Variants in DAAM2 observed in about 807,000 individuals in gnomAD.
The protein encoded by DAAM2 is disheveled-associated activator of morphogenesis 2.
Under a neutral mutation model 120.7 loss-of-function variants are expected in DAAM2, and 39 were observed. The observed-to-expected ratio is 0.32, with a 90% CI of 0.25 to 0.42. The LOEUF (loss-of-function observed/expected upper bound fraction) is 0.42, where lower values mean the gene tolerates loss of function less well. Among genes scored for constraint, DAAM2 ranks in the 10% least tolerant of loss-of-function variants. DAAM2 has a pLI of 1.00. For missense variants in DAAM2, 1,283 were observed against 1,401.7 expected (o/e 0.92, Z 1.35); for synonymous variants, 488 against 524.9 (o/e 0.93, Z 0.96).
rs550332714 is a variant in DAAM2, at chr6:39,904,018, T to C, written c.*1981T>C. 2 of 363,292 alleles carry C rather than the reference T, an allele frequency of 5.5e-6. No homozygotes were observed. The highest frequency in any genetic ancestry group is 4.3e-5 in the African/African-American group (2 of 46,946). The allele number at this position is 363,292 out of a possible 1,614,324, so 22.5% of individuals were successfully genotyped here. ...AAGATGGGAGGTTGTGGGTGAGGCC[T>C]CTAAAGGTCCTCTCCCAAACTGACC... On this transcript the variant is annotated 3_prime_UTR_variant, in exon 25 of 25. Transcript: ENST00000274867.
intron 1 of DAAM2, among the ~76,000 whole-genome samples, chr6:39,826,836 G>A (rs2114165877): frequency 6.6e-6 from 1 of 152,272 alleles, no homozygotes; most frequent in Non-Finnish European, 1.5e-5. Context: ...ACTGTCAGGA[G>A]CACCTTCTCT....
chr6:39,828,413 C>T (rs1762754843), intron 1 of DAAM2, among the ~76,000 whole-genome samples: 1 of 152,114 alleles, frequency 6.6e-6, no homozygotes, highest in African/African-American at 2.4e-5. Context: ...TTAATAAGGA[C>T]CTACTATGCA....
intron 1 of DAAM2, among the ~76,000 whole-genome samples, chr6:39,826,103 T>G (rs1762663341): frequency 6.6e-6 from 1 of 152,174 alleles, no homozygotes; most frequent in African/African-American, 2.4e-5. Context: ...TTCTGCCTGC[T>G]GGCTTGGGAT....
intron 3 of DAAM2, chr6:39,862,685 A>C (rs1458456945): frequency 6.6e-6 from 1 of 152,004 alleles, no homozygotes; most frequent in Non-Finnish European, 1.5e-5. Context: ...CATGCCTGTA[A>C]TCCCAGCTAC....
intron 2 of DAAM2, among the ~76,000 whole-genome samples, chr6:39,858,171 G>A (rs1764080715): frequency 6.6e-6 from 1 of 152,204 alleles, no homozygotes; most frequent in Non-Finnish European, 1.5e-5. Flanking sequence ...ATGAAGACCA[G>A]AAGAACTAAA....
intron 17 of DAAM2, among the ~76,000 whole-genome samples, 186 bp from the exon 18 acceptor site, chr6:39,891,155 G>A (rs1157846623): frequency 6.7e-6 from 1 of 150,246 alleles, no homozygotes; most frequent in African/African-American, 2.5e-5. Flanking sequence ...AAAGAAAAAA[G>A]AATTTCAGAG....
At chr6:39,825,726 T>A (rs1187753519) in intron 1 of DAAM2, among the ~76,000 whole-genome samples, 2 of 151,928 alleles carry the variant, frequency 1.3e-5, no homozygotes, top group Non-Finnish European at 2.9e-5. Context: ...ATATCTGTAC[T>A]GAGTGTACTG....
chr6:39,852,355 A>G (rs1223460076), intron 1 of DAAM2, among the ~76,000 whole-genome samples: 1 of 152,318 alleles, frequency 6.6e-6, no homozygotes, highest in Admixed American at 6.5e-5. Context: ...GTCCAGGGCC[A>G]GTGATGAAGA....
chr6:39,863,026 C>G (rs1286135742), intron 3 of DAAM2, among the ~76,000 whole-genome samples: 1 of 151,924 alleles, frequency 6.6e-6, no homozygotes, highest in African/African-American at 2.4e-5. Flanking sequence ...CCCCTACAAG[C>G]CTTCTGTGTT....
chr6:39,852,261 C>T (rs1763835645), intron 1 of DAAM2, among the ~76,000 whole-genome samples: 1 of 152,202 alleles, frequency 6.6e-6, no homozygotes, highest in Admixed American at 6.5e-5. Flanking sequence ...CAATTCTCCT[C>T]CGAGGTGGAA....
intron 1 of DAAM2, among the ~76,000 whole-genome samples, chr6:39,817,990 C>T (rs1310737196): frequency 2.0e-5 from 3 of 151,874 alleles, no homozygotes; most frequent in Non-Finnish European, 4.4e-5. Context: ...ACGAGTCTGG[C>T]CAGCATGGTG....
chr6:39,879,174 A>T lies in DAAM2; in HGVS notation c.1546-4A>T, dbSNP rs751683917. The T allele has an allele frequency of 6.5e-7, 1 of 1,537,520 alleles. No individual in the cohort carries two copies. Among genetic ancestry groups the T allele is most frequent in the South Asian group, 1.2e-5 (1 of 81,824 alleles). On this transcript the variant is annotated splice_polypyrimidine_tract_variant and splice_region_variant and intron_variant, in intron 13 of 24. Coordinates refer to ENST00000274867, the MANE Select transcript of DAAM2 (RefSeq NM_001201427.2). ...GTCCTTGCAATTTTTCTGTTTCCTC[A>T]CAGACAGGCCCTGTATCTTCCCCAC...
At position 39,904,062 on chromosome 6, in the gene DAAM2, C is replaced by T. The variant is rs1766639953; in HGVS notation, c.*2025C>T. 5.2e-6 allele frequency: 2 copies of T among 388,150 alleles called. No homozygotes were observed. Among genetic ancestry groups the T allele is most frequent in the Admixed American group, 6.4e-5 (2 of 31,436 alleles). 24.0% of individuals were successfully genotyped at this position (388,150 alleles called of 1,614,324 possible). A position where few individuals can be genotyped will look rare whatever the true frequency, so the allele number is the denominator to read the frequency against. ...ACTGACCAGGCTGATGTCAACCTAA[C>T]CCCCTCAGGGGCAGGGAACAGGGGA... On this transcript the variant is annotated 3_prime_UTR_variant, in exon 25 of 25. Transcript: ENST00000274867.
At chr6:39,860,843 G>T in intron 2 of DAAM2, 85 bp from the exon 3 acceptor site, 1 of 1,066,438 alleles carries the variant, frequency 9.4e-7, no homozygotes, top group Non-Finnish European at 1.4e-6. Context: ...ACTGATTTGG[G>T]GGAATTGTAA....
rs1207776415 is a variant in DAAM2, at chr6:39,875,549, A to G, written c.1301+81A>G. 12 of 1,521,106 alleles carry G rather than the reference A, an allele frequency of 7.9e-6. No homozygotes were observed. In the Admixed American group the frequency reaches 9.9e-5, roughly 13 times the overall value. The allele number at this position is 1,521,106 out of a possible 1,614,324, so 94.2% of individuals were successfully genotyped here. On this transcript the variant is annotated intron_variant, in intron 11 of 24. Transcript: ENST00000274867. ...ACTCTGGTCTCACCAGCGAAACCTCAGCTCCCTTTCGCAACCCAGTCATCC... is the reference window on the plus strand; with the variant it reads ...ACTCTGGTCTCACCAGCGAAACCTCGGCTCCCTTTCGCAACCCAGTCATCC...
At chr6:39,861,042 A>G (rs1191489585) in intron 3 of DAAM2, 25 bp downstream of exon 3, 1 of 1,578,844 alleles carries the variant, frequency 6.3e-7, no homozygotes, top group South Asian at 1.1e-5. Context: ...CCCTCTGGCC[A>G]CATCTCAGGG....
chr6:39,847,300 C>T (rs1479359137), intron 1 of DAAM2, among the ~76,000 whole-genome samples: 1 of 152,172 alleles, frequency 6.6e-6, no homozygotes, highest in East Asian at 1.9e-4. Context: ...GGTGCTGAGG[C>T]CTCAGCGATG....
chr6:39,849,585 G>A (rs184524372), intron 1 of DAAM2, among the ~76,000 whole-genome samples: 1 of 152,352 alleles, frequency 6.6e-6, no homozygotes, highest in African/African-American at 2.4e-5. Flanking sequence ...CTTGTTTGAA[G>A]TCACCTGGTT....
intron 1 of DAAM2, among the ~76,000 whole-genome samples, chr6:39,817,720 G>C (rs1355131790): frequency 6.6e-6 from 1 of 152,160 alleles, no homozygotes; most frequent in Non-Finnish European, 1.5e-5. Flanking sequence ...TGATGTTGCA[G>C]CTCAAGACTG....
Sources: gnomAD v4.1 joint callset for allele counts (sites outside exome capture counted in the v4.1 genomes callset) on GRCh38, gnomAD v4.1.1 for gene constraint, MANE v1.5 for transcripts, NCBI Gene and HGNC (gene_info 2026-07-23, HGNC 2026-07-21) for gene names.